GNAQ: variants seen among roughly 807,000 people sequenced by gnomAD.
GNAQ encodes the protein G protein subunit alpha q, also known as guanine nucleotide-binding protein G(q) subunit alpha.
A neutral mutation model predicts 43.9 loss-of-function variants in GNAQ; 8 were observed. That is an observed-to-expected ratio of 0.18 (90% confidence interval 0.11 to 0.33). The LOEUF (loss-of-function observed/expected upper bound fraction) is 0.33. Among genes scored for constraint, GNAQ ranks in the 10% least tolerant of loss-of-function variants. The probability of loss-of-function intolerance (pLI) is 1.00; values close to 1 mark genes in which losing one functional copy is unlikely to be tolerated. For synonymous variants in GNAQ, 155 were observed against 170.7 expected, an observed-to-expected ratio of 0.91 and a Z score of 0.71; for missense variants, 158 against 450.8, an observed-to-expected ratio of 0.35 and a Z score of 5.88.
chr9:77,928,240 C>T (rs990564613), intron 1 of GNAQ, among the ~76,000 whole-genome samples: 1 of 152,196 alleles, frequency 6.6e-6, no homozygotes, highest in African/African-American at 2.4e-5. Context: ...AACACAGCAG[C>T]TCTAAGACCA....
chr9:77,901,127 A>G (rs4745675), intron 2 of GNAQ, among the ~76,000 whole-genome samples: 88,795 of 151,500 alleles, frequency 0.59, 27,537 homozygotes, highest in South Asian at 0.71. Context: ...TTGCTTCCAG[A>G]AAGTACCACA....
intron 5 of GNAQ, among the ~76,000 whole-genome samples, chr9:77,790,326 G>C (rs1027186444): frequency 6.6e-6 from 1 of 152,118 alleles, no homozygotes; most frequent in South Asian, 2.1e-4. Flanking sequence ...GTTATCTGAA[G>C]AAAATTCCCA....
rs543558045 is a variant in GNAQ at position 77,879,342 on chromosome 9, C to T, written c.321+42819G>A. On this transcript the variant is annotated intron_variant, in intron 2 of 6. Coordinates refer to ENST00000286548, the MANE Select transcript of GNAQ (RefSeq NM_002072.5). ...GCAGTGGTACCATCTAAGCTCACTG[C>T]AACCTCCGCCTCCCGGGTTCAAATG... Among the ~76,000 whole-genome samples, 3 of 152,186 alleles carry T rather than the reference C, an allele frequency of 2.0e-5. No individual in the cohort carries two copies. In the South Asian group the frequency reaches 6.2e-4, roughly 32 times the overall value.
intron 1 of GNAQ, among the ~76,000 whole-genome samples, chr9:77,975,942 G>C (rs1180139261): frequency 1.3e-5 from 2 of 152,158 alleles, no homozygotes; most frequent in Non-Finnish European, 2.9e-5. Context: ...ACCCTTCTGA[G>C]AGCTGTCCTT....
chr9:77,818,197 C>T (rs1827052442), intron 2 of GNAQ, among the ~76,000 whole-genome samples: 1 of 152,086 alleles, frequency 6.6e-6, no homozygotes, highest in African/African-American at 2.4e-5. Context: ...CACCATGTTG[C>T]CTTCACCTAG....
chr9:77,851,368 T>C (rs188949392), intron 2 of GNAQ, among the ~76,000 whole-genome samples: 1 of 152,280 alleles, frequency 6.6e-6, no homozygotes, highest in African/African-American at 2.4e-5. Context: ...ATTTAAAATG[T>C]TCAGTGATAA....
intron 2 of GNAQ, among the ~76,000 whole-genome samples, chr9:77,871,756 T>C (rs1052009740): frequency 2.0e-5 from 3 of 152,184 alleles, no homozygotes; most frequent in Admixed American, 6.5e-5. Flanking sequence ...TTTTCTGATC[T>C]ATAATAGAAT....
At chr9:77,990,459 T>G (rs1823494730) in intron 1 of GNAQ, among the ~76,000 whole-genome samples, 1 of 152,188 alleles carries the variant, frequency 6.6e-6, no homozygotes, top group East Asian at 1.9e-4. Context: ...TTAGCTCAAG[T>G]GATCCTCATG....
chr9:78,029,225 G>C (rs1013883635), intron 1 of GNAQ, among the ~76,000 whole-genome samples: 2 of 151,862 alleles, frequency 1.3e-5, no homozygotes, highest in African/African-American at 4.8e-5. Context: ...AATAGGGTTG[G>C]CTGGAGAGAC....
intron 1 of GNAQ, among the ~76,000 whole-genome samples, chr9:77,993,757 C>T (rs765086323): frequency 2.0e-5 from 3 of 151,678 alleles, no homozygotes; most frequent in Non-Finnish European, 4.4e-5. Flanking sequence ...AAGGTACTCA[C>T]AATATTGCTT....
chr9:77,779,942 A>T (rs188449047), intron 5 of GNAQ, among the ~76,000 whole-genome samples: 2 of 152,098 alleles, frequency 1.3e-5, no homozygotes, highest in Admixed American at 1.3e-4. Flanking sequence ...CCCGAACAGT[A>T]AACAGGCCCA....
At chr9:78,005,055 T>C (rs75514669) in intron 1 of GNAQ, among the ~76,000 whole-genome samples, 9,031 of 152,120 alleles carry the variant, frequency 0.059, 299 homozygotes, top group African/African-American at 0.064. Flanking sequence ...AAAACTACAA[T>C]TTTTCTCTTT....
At chr9:77,811,959 C>G (rs529176940) in intron 3 of GNAQ, among the ~76,000 whole-genome samples, 1 of 152,294 alleles carries the variant, frequency 6.6e-6, no homozygotes, top group Admixed American at 6.5e-5. Context: ...ACAAACCTCC[C>G]TCCCTCAGTT....
chr9:77,932,941 G>T (rs1193447334), intron 1 of GNAQ, among the ~76,000 whole-genome samples: 1 of 152,100 alleles, frequency 6.6e-6, no homozygotes, highest in Non-Finnish European at 1.5e-5. Flanking sequence ...TGGATGAAGT[G>T]AAAAAGGGAG....
At chr9:77,979,285 G>A (rs999675228) in intron 1 of GNAQ, among the ~76,000 whole-genome samples, 8 of 151,754 alleles carry the variant, frequency 5.3e-5, no homozygotes, top group African/African-American at 1.7e-4. Context: ...GAACACAGGA[G>A]GTAGAGGTTG....
intron 1 of GNAQ, among the ~76,000 whole-genome samples, chr9:77,928,245 A>G (rs188995619): frequency 9.7e-4 from 148 of 152,334 alleles, no homozygotes; most frequent in Non-Finnish European, 1.5e-3. Context: ...AGCAGCTCTA[A>G]GACCAAAGTT....
At chr9:77,996,693 A>G (rs1453518815) in intron 1 of GNAQ, among the ~76,000 whole-genome samples, 4 of 151,432 alleles carry the variant, frequency 2.6e-5, no homozygotes, top group South Asian at 2.1e-4. Flanking sequence ...AAAAAAAAAA[A>G]AAAGAAAAAA....
intron 2 of GNAQ, among the ~76,000 whole-genome samples, chr9:77,858,873 G>C (rs981110298): frequency 3.9e-5 from 6 of 151,998 alleles, no homozygotes; most frequent in African/African-American, 1.5e-4. Context: ...CAAAGCACTT[G>C]AGTTTTGTAA....
At position 77,905,925 on chromosome 9, in the gene GNAQ, T is replaced by G. The variant is rs576358305; in HGVS notation, c.321+16236A>C. 5.3e-5 allele frequency among the ~76,000 whole-genome samples: 8 copies of G among 152,122 alleles called. No individual in the cohort carries two copies. In the East Asian group the frequency reaches 1.5e-3, roughly 29 times the overall value. On this transcript the variant is annotated intron_variant, in intron 2 of 6. Coordinates refer to ENST00000286548, the MANE Select transcript of GNAQ (RefSeq NM_002072.5). Reference sequence around the variant, plus strand: ...AAGGGGAACATCACAAACTGGGAGCTGTCAGGGGGTGGGAGACAAGGGGAA... The same window carrying G: ...AAGGGGAACATCACAAACTGGGAGCGGTCAGGGGGTGGGAGACAAGGGGAA...
Sources: gnomAD v4.1 joint callset for allele counts (sites outside exome capture counted in the v4.1 genomes callset) on GRCh38, gnomAD v4.1.1 for gene constraint, MANE v1.5 for transcripts, NCBI Gene and HGNC (gene_info 2026-07-23, HGNC 2026-07-21) for gene names.